The following GPHN variants were observed in gnomAD, a reference collection of about 807,000 sequenced individuals.
GPHN encodes the protein gephyrin.
In GPHN, 17 loss-of-function variants were observed where a neutral mutation model predicts 95.5. The observed-to-expected ratio is 0.18, with a 90% CI of 0.12 to 0.27. GPHN has a LOEUF of 0.27. GPHN is among the 10% of genes least tolerant of loss of function. The pLI, the probability that GPHN is intolerant of heterozygous loss-of-function variation, is 1.00. For missense variants in GPHN, 660 were observed against 978.1 expected (o/e 0.67, Z 4.34); for synonymous variants, 320 against 322.5 (o/e 0.99, Z 0.08).
intron 18 of GPHN, among the ~76,000 whole-genome samples, chr14:67,144,369 G>C (rs1287546201): frequency 6.9e-6 from 1 of 145,498 alleles, no homozygotes; most frequent in Non-Finnish European, 1.5e-5. Context: ...ACCACAATTT[G>C]AATATTTCAG....
At chr14:66,513,804 G>T (rs1322099405) in intron 1 of GPHN, among the ~76,000 whole-genome samples, 2 of 151,724 alleles carry the variant, frequency 1.3e-5, no homozygotes, top group African/African-American at 4.8e-5. Context: ...TTCTATCCAG[G>T]TTCTTTAATG....
intron 1 of GPHN, among the ~76,000 whole-genome samples, chr14:66,621,449 G>C (rs2063298557): frequency 7.1e-6 from 1 of 140,780 alleles, no homozygotes; most frequent in African/African-American, 2.7e-5. Flanking sequence ...TTTTGAGACA[G>C]AGTCTCCCTC....
In GPHN at chr14:66,700,738, C is replaced by A. The variant is rs185600189; in HGVS notation, c.143+19553C>A. ...AAGAGATCGAGACCATCCTGGCCAA[C>A]ATGGTGAAACCCCGTCTCTACTAAA... On this transcript the variant is annotated intron_variant, in intron 2 of 22. Coordinates refer to ENST00000478722, the MANE Select transcript of GPHN (RefSeq NM_020806.5). Among the ~76,000 whole-genome samples, 589 of 152,162 alleles carry A rather than the reference C, an allele frequency of 3.9e-3. 2 individuals are homozygous for A. The highest frequency in any genetic ancestry group is 7.2e-3 in the Non-Finnish European group (489 of 67,998).
chr14:66,626,901 T>G (rs2063548743), intron 1 of GPHN, among the ~76,000 whole-genome samples: 1 of 152,074 alleles, frequency 6.6e-6, no homozygotes, highest in Non-Finnish European at 1.5e-5. Flanking sequence ...TATAAAACAG[T>G]GCAGTTATCA....
intron 1 of GPHN, among the ~76,000 whole-genome samples, chr14:66,595,671 A>G (rs1338740516): frequency 2.0e-5 from 3 of 152,142 alleles, no homozygotes; most frequent in African/African-American, 4.8e-5. Context: ...CCACTGGGGT[A>G]GGCAGTGGTG....
At chr14:67,439,541 CTT>C in the GPHN span, among the ~76,000 whole-genome samples, 47,858 of 133,446 alleles carry the variant, frequency 0.36, 7,984 homozygotes, top group African/African-American at 0.44. Context: ...TAGTTTCTTT[CTT>C]TCTTTCTTTC....
At chr14:67,538,004 A>G in the GPHN span, among the ~76,000 whole-genome samples, 1 of 152,238 alleles carries the variant, frequency 6.6e-6, no homozygotes, top group Non-Finnish European at 1.5e-5. Context: ...TATGAGTTTC[A>G]TAAGACTGGC....
At chr14:67,168,790 G>A (rs959030184) in intron 20 of GPHN, 143 bp from the exon 21 acceptor site, 4 of 694,504 alleles carry the variant, frequency 5.8e-6, no homozygotes, top group African/African-American at 1.7e-5. Flanking sequence ...CTCTGTTCTG[G>A]TTGGATTCAA....
At chr14:66,788,463 A>G (rs1471870201) in intron 3 of GPHN, among the ~76,000 whole-genome samples, 2 of 152,248 alleles carry the variant, frequency 1.3e-5, no homozygotes, top group Admixed American at 6.5e-5. Context: ...TGTAAATCAT[A>G]TCAGAATTGT....
the GPHN span, chr14:67,647,973 A>G: frequency 1.1e-4 from 154 of 1,418,686 alleles, no homozygotes; most frequent in South Asian, 2.7e-4. Context: ...AGTTGCAACC[A>G]TAAGAAGGAT....
At chr14:67,684,746 A>C in the GPHN span, 1 of 268,100 alleles carries the variant, frequency 3.7e-6, no homozygotes, top group Non-Finnish European at 6.9e-6. Context: ...GGAATCCAAA[A>C]AAGAATAAAG....
the GPHN span, among the ~76,000 whole-genome samples, chr14:67,552,684 G>A: frequency 2.7e-4 from 41 of 152,062 alleles, 1 homozygote; most frequent in Middle Eastern, 0.014. Context: ...GGAGAATGGC[G>A]GGAACCCGGG....
chr14:67,095,329 T>C (rs2077315210), intron 12 of GPHN, among the ~76,000 whole-genome samples: 1 of 152,174 alleles, frequency 6.6e-6, no homozygotes, highest in African/African-American at 2.4e-5. Context: ...TCACTGTTGG[T>C]GGGACTGTAA....
At chr14:67,057,420 C>A (rs527722023) in intron 10 of GPHN, among the ~76,000 whole-genome samples, 16 of 136,786 alleles carry the variant, frequency 1.2e-4, no homozygotes, top group South Asian at 2.4e-4. Flanking sequence ...GTGGGGGGGG[C>A]AACAGCACAC....
At chr14:67,207,387 G>A in the GPHN span, among the ~76,000 whole-genome samples, 11 of 151,902 alleles carry the variant, frequency 7.2e-5, no homozygotes, top group African/African-American at 9.7e-5. Flanking sequence ...ACCAAATCTC[G>A]CATCAACTTA....
chr14:67,418,356 A>C, the GPHN span, among the ~76,000 whole-genome samples: 2 of 152,148 alleles, frequency 1.3e-5, no homozygotes, highest in African/African-American at 4.8e-5. Flanking sequence ...CCTGTGATGA[A>C]ATCCTTTCAG....
chr14:67,666,326 G>C, the GPHN span, among the ~76,000 whole-genome samples: 1 of 152,178 alleles, frequency 6.6e-6, no homozygotes, highest in Non-Finnish European at 1.5e-5. Flanking sequence ...TAAATGAAAG[G>C]GGGAGAAGAA....
intron 1 of GPHN, among the ~76,000 whole-genome samples, chr14:66,552,885 T>C (rs570473945): frequency 4.1e-4 from 62 of 152,308 alleles, no homozygotes; most frequent in African/African-American, 1.5e-3. Context: ...TTTTAATCAA[T>C]TGATTAAAAC....
chr14:67,544,460 A>T, the GPHN span, among the ~76,000 whole-genome samples: 80 of 152,214 alleles, frequency 5.3e-4, 1 homozygote, highest in Admixed American at 1.8e-3. Flanking sequence ...AATGAAGAGG[A>T]ATATATAATC....
Sources: allele counts gnomAD v4.1 joint callset (sites outside exome capture counted in the v4.1 genomes callset), GRCh38; gene constraint gnomAD v4.1.1; transcripts MANE v1.5; gene names NCBI Gene and HGNC (gene_info 2026-07-23, HGNC 2026-07-21).